IL18R1: variants seen among roughly 807,000 people sequenced by gnomAD.
IL18R1 encodes interleukin 18 receptor 1.
Under a neutral mutation model 48.5 loss-of-function variants are expected in IL18R1, and 40 were observed. The observed-to-expected ratio is 0.82, with a 90% confidence interval of 0.64 to 1.07. The LOEUF is 1.07. Among genes scored for constraint, IL18R1 ranks in the 50% least tolerant of loss-of-function variants. The probability of loss-of-function intolerance (pLI) is 0.00; values close to 1 mark genes in which losing one functional copy is unlikely to be tolerated. For synonymous variants in IL18R1, 232 were observed against 225.9 expected (o/e 1.03, Z -0.24); for missense variants, 596 against 633.7 (o/e 0.94, Z 0.64).
Position 102,390,167 on chromosome 2 carries a change from A to T in IL18R1, c.1061A>T (p.Asp354Val). The T allele has an allele frequency of 6.2e-7, 1 of 1,613,924 alleles. No homozygotes were observed. Among genetic ancestry groups the T allele is most frequent in the East Asian group, 2.2e-5 (1 of 44,858 alleles). Residue 354 changes from aspartate (D) to valine (V), a missense_variant, in exon 9 of 11, where the codon GAC becomes GTC. Coordinates refer to ENST00000233957, the MANE Select transcript of IL18R1 (RefSeq NM_003855.5). ...LVTVCVIYRV[D>V]LVLFYRHLTR... ...ACTGTGTGTGTCATTTATAGAGTTG[A>T]CTTGGTTCTATTTTATAGACATTTA...
At chr2:102,378,491 T>A (rs1679727217) in intron 5 of IL18R1, among the ~76,000 whole-genome samples, 1 of 152,226 alleles carries the variant, frequency 6.6e-6, no homozygotes, top group Admixed American at 6.5e-5. Context: ...CTCCCATAAT[T>A]GTCCATCTTA....
chr2:102,396,569 C>A lies in IL18R1; in HGVS notation c.1309C>A (p.Arg437=), dbSNP rs757788171. 3.1e-6 allele frequency: 5 copies of A among 1,608,842 alleles called. No individual in the cohort carries two copies. Among genetic ancestry groups the A allele is most frequent in the Non-Finnish European group, 4.2e-6 (5 of 1,177,882 alleles). Reference sequence around the variant, plus strand: ...AATCCACTCACTGATAGAGAAAAGCCGAAGACTAATCATTGTCCTAAGTAA... The same window carrying A: ...AATCCACTCACTGATAGAGAAAAGCAGAAGACTAATCATTGTCCTAAGTAA... ...DEIHSLIEKS[R]RLIIVLSKSY... Residue 437 remains arginine, a synonymous_variant, in exon 11 of 11, where the codon CGA becomes AGA. Coordinates refer to ENST00000233957, the MANE Select transcript of IL18R1 (RefSeq NM_003855.5).
chr2:102,368,105 C>T lies in IL18R1; in HGVS notation c.302+37C>T, dbSNP rs753218759. ...TTTCTTTTCAAAATGTATTTCACAGCCCTCTTGTCCTTTGTTCAGCAACTC... is the reference window on the plus strand; with the variant it reads ...TTTCTTTTCAAAATGTATTTCACAGTCCTCTTGTCCTTTGTTCAGCAACTC... On this transcript the variant is annotated intron_variant, in intron 3 of 10. Transcript: ENST00000233957. 11 of 1,608,270 alleles carry T rather than the reference C, an allele frequency of 6.8e-6. No individual in the cohort carries two copies. In the East Asian group the frequency reaches 1.6e-4, roughly 23 times the overall value.
intron 10 of IL18R1, among the ~76,000 whole-genome samples, chr2:102,395,189 T>A (rs577522916): frequency 3.9e-5 from 6 of 152,160 alleles, no homozygotes; most frequent in African/African-American, 1.2e-4. Context: ...ATGTTTTTTT[T>A]ATTAATATAG....
At chr2:102,380,988 C>T (rs1679886445) in intron 5 of IL18R1, among the ~76,000 whole-genome samples, 1 of 152,212 alleles carries the variant, frequency 6.6e-6, no homozygotes, top group South Asian at 2.1e-4. Context: ...TGGGTGATGA[C>T]TTACTTCCCA....
chr2:102,359,686 A>G (rs1351789344), intron 1 of IL18R1, among the ~76,000 whole-genome samples: 1 of 152,074 alleles, frequency 6.6e-6, no homozygotes, highest in East Asian at 1.9e-4. Context: ...TGTGGTCGAT[A>G]GATGCTGTCT....
intron 10 of IL18R1, 55 bp downstream of exon 10, chr2:102,394,682 G>A: frequency 5.4e-6 from 8 of 1,470,014 alleles, no homozygotes; most frequent in Non-Finnish European, 1.9e-6. Flanking sequence ...TTTAAAAAAT[G>A]AATGAGCTAG....
intron 10 of IL18R1, among the ~76,000 whole-genome samples, chr2:102,395,916 A>G (rs1295312281): frequency 1.3e-5 from 2 of 152,186 alleles, no homozygotes; most frequent in Non-Finnish European, 2.9e-5. Flanking sequence ...GAGCTACAAC[A>G]ACAGAACTGA....
chr2:102,381,343 C>T (rs11465634), intron 5 of IL18R1, among the ~76,000 whole-genome samples: 2,496 of 152,308 alleles, frequency 0.016, 69 homozygotes, highest in African/African-American at 0.057. Context: ...GACTCTTGCA[C>T]GTTTGATCAT....
At chr2:102,396,266 A>G (rs1358124669) in intron 10 of IL18R1, among the ~76,000 whole-genome samples, 1 of 152,144 alleles carries the variant, frequency 6.6e-6, no homozygotes, top group Non-Finnish European at 1.5e-5. Context: ...TCTGTAGCGT[A>G]TTATGATGAT....
chr2:102,373,021 A>T (rs1256620269), intron 4 of IL18R1, among the ~76,000 whole-genome samples: 5 of 152,078 alleles, frequency 3.3e-5, no homozygotes, highest in African/African-American at 9.7e-5. Context: ...AAGAATCCCA[A>T]TTTTTTGTCA....
chr2:102,367,007 C>T (rs544569937), intron 2 of IL18R1, among the ~76,000 whole-genome samples: 1 of 152,332 alleles, frequency 6.6e-6, no homozygotes, highest in East Asian at 1.9e-4. Context: ...TAAATACTCT[C>T]ATTCTCAAAA....
chr2:102,366,182 T>A (rs540311682), intron 2 of IL18R1, among the ~76,000 whole-genome samples: 1 of 152,338 alleles, frequency 6.6e-6, no homozygotes, highest in Admixed American at 6.5e-5. Flanking sequence ...TTTTCCAAAC[T>A]CTTATGCTCT....
chr2:102,379,137 G>C (rs1679767709), intron 5 of IL18R1, among the ~76,000 whole-genome samples: 1 of 152,118 alleles, frequency 6.6e-6, no homozygotes, highest in Admixed American at 6.5e-5. Context: ...TGTGACATGG[G>C]AGCCTTCAGA....
chr2:102,391,140 G>A (rs899711556), intron 9 of IL18R1, among the ~76,000 whole-genome samples: 2 of 151,976 alleles, frequency 1.3e-5, no homozygotes, highest in Admixed American at 6.5e-5. Context: ...CTAATTCATT[G>A]CACTTGATTT....
In IL18R1 at chr2:102,376,041, C is replaced by A; in HGVS notation, c.603C>A (p.Thr201=). ...HNGKLFNITK[T]FNITIVEDRS... is the part of the protein sequence containing the mutation. ...GAAAACTATTTAATATCACCAAAAC[C>A]TTCAATATAACAATAGTGGAAGGTA... The change falls in exon 5 of 11, where the codon ACC becomes ACA. Residue 201 remains threonine (T), a synonymous_variant. Coordinates refer to ENST00000233957, the MANE Select transcript of IL18R1 (RefSeq NM_003855.5). 1 of 1,593,304 alleles carries A rather than the reference C, an allele frequency of 6.3e-7. No homozygotes were observed. The highest frequency in any genetic ancestry group is 8.5e-7 in the Non-Finnish European group (1 of 1,173,160).
chr2:102,391,983 A>G (rs568969419), intron 9 of IL18R1, among the ~76,000 whole-genome samples: 18 of 152,192 alleles, frequency 1.2e-4, no homozygotes, highest in Non-Finnish European at 2.5e-4. Context: ...ATGAAATGCA[A>G]ATATTCCCAG....
At chr2:102,375,800 A>G (rs577427311) in intron 4 of IL18R1, 107 bp from the exon 5 acceptor site, 2 of 705,950 alleles carry the variant, frequency 2.8e-6, no homozygotes, top group Admixed American at 3.8e-5. Context: ...GCTACTTTCC[A>G]TTCTTTTTTC....
chr2:102,390,957 GAA>G, intron 9 of IL18R1, among the ~76,000 whole-genome samples: 1 of 104,334 alleles, frequency 9.6e-6, no homozygotes, highest in Non-Finnish European at 2.2e-5. Flanking sequence ...AAAAGAGAGA[GAA>G]AAAGAACCCC....
Sources: allele counts gnomAD v4.1 joint callset (sites outside exome capture counted in the v4.1 genomes callset), GRCh38; gene constraint gnomAD v4.1.1; transcripts MANE v1.5; gene names NCBI Gene and HGNC (gene_info 2026-07-23, HGNC 2026-07-21).